The following APBA1 variants were observed in gnomAD, a reference collection of about 807,000 sequenced individuals.
APBA1 encodes amyloid-beta A4 precursor protein-binding family A member 1.
APBA1 carries 55 observed loss-of-function variants against 86.6 expected under a neutral mutation model. The observed-to-expected ratio is 0.64, with a 90% CI of 0.51 to 0.80. The LOEUF (loss-of-function observed/expected upper bound fraction) is 0.80, where lower values mean the gene tolerates loss of function less well. APBA1 is among the 30% of genes least tolerant of loss of function. APBA1 has a pLI of 0.00. For missense variants in APBA1, 1,090 were observed against 1,183.0 expected, an observed-to-expected ratio of 0.92 and a Z score of 1.15; for synonymous variants, 511 against 493.9, an observed-to-expected ratio of 1.03 and a Z score of -0.46.
At chr9:69,520,921 C>T (rs147249629) in intron 1 of APBA1, among the ~76,000 whole-genome samples, 1 of 152,316 alleles carries the variant, frequency 6.6e-6, no homozygotes, top group African/African-American at 2.4e-5. Flanking sequence ...CACTGCCAGC[C>T]TGATGATCTT....
chr9:69,435,029 A>G (rs1312930182), intron 11 of APBA1, among the ~76,000 whole-genome samples: 1 of 142,558 alleles, frequency 7.0e-6, no homozygotes, highest in Non-Finnish European at 1.5e-5. Context: ...CCCACCTATG[A>G]GTGAGAACAT....
chr9:69,547,806 C>T (rs1311495447), intron 1 of APBA1, among the ~76,000 whole-genome samples: 1 of 152,220 alleles, frequency 6.6e-6, no homozygotes, highest in East Asian at 1.9e-4. Context: ...CTTTACTCAG[C>T]AGTCTACTCC....
intron 2 of APBA1, among the ~76,000 whole-genome samples, chr9:69,490,937 C>CT (rs984266699): frequency 2.7e-5 from 4 of 150,524 alleles, no homozygotes; most frequent in Non-Finnish European, 5.9e-5. Flanking sequence ...ATGGCGATCA[C>CT]TAAAAAGTCA....
chr9:69,532,650 T>A (rs539831995), intron 1 of APBA1, among the ~76,000 whole-genome samples: 1 of 152,324 alleles, frequency 6.6e-6, no homozygotes, highest in South Asian at 2.1e-4. Flanking sequence ...CAGTGTGTGC[T>A]TTGGTGAGTT....
rs1035988116 is a variant in APBA1, at chr9:69,459,804, T to C, written c.1483-1616A>G. On this transcript the variant is annotated intron_variant, in intron 5 of 12. Transcript: ENST00000265381. ...ATAGTATCTACCTCACAGGGATATTTTGAGGACAAAATGAATACATGCAAA... is the reference window on the plus strand; with the variant it reads ...ATAGTATCTACCTCACAGGGATATTCTGAGGACAAAATGAATACATGCAAA... Among the ~76,000 whole-genome samples, 3 of 152,250 alleles carry C rather than the reference T, an allele frequency of 2.0e-5. No homozygotes were observed. In the South Asian group the frequency reaches 6.2e-4, roughly 31 times the overall value.
At chr9:69,475,444 G>C (rs903221932) in intron 3 of APBA1, among the ~76,000 whole-genome samples, 9 of 152,178 alleles carry the variant, frequency 5.9e-5, no homozygotes, top group African/African-American at 2.2e-4. Context: ...TTCCAGCACC[G>C]TGGAAAGTTC....
intron 1 of APBA1, among the ~76,000 whole-genome samples, chr9:69,620,886 C>T (rs1419452630): frequency 2.6e-5 from 4 of 152,142 alleles, no homozygotes; most frequent in African/African-American, 9.7e-5. Flanking sequence ...CACAGTTGGA[C>T]GACAGTGAAG....
chr9:69,484,983 CT>C (rs35896934), intron 2 of APBA1, among the ~76,000 whole-genome samples: 198 of 144,824 alleles, frequency 1.4e-3, no homozygotes, highest in Admixed American at 2.2e-3. Flanking sequence ...AACTGAAAAA[CT>C]TTTTTTTTTT....
At chr9:69,611,286 A>G (rs1588392583) in intron 1 of APBA1, among the ~76,000 whole-genome samples, 2 of 15,212 alleles carry the variant, frequency 1.3e-4, no homozygotes, top group African/African-American at 2.4e-4. Context: ...CCAGAAAAGG[A>G]AAAAAAAAAA....
rs1834539069 is a variant in APBA1 at position 69,428,924 on chromosome 9, G to A, written c.*2403C>T. 1 of 152,238 alleles carries A rather than the reference G, an allele frequency of 6.6e-6. No homozygotes were observed. The highest frequency in any genetic ancestry group is 1.5e-5 in the Non-Finnish European group (1 of 68,042). 9.4% of individuals were successfully genotyped at this position (152,238 alleles called of 1,614,324 possible). On this transcript the variant is annotated 3_prime_UTR_variant, in exon 13 of 13. Transcript: ENST00000265381. ...AATCTTCTCACTCTAATGTTACAAT[G>A]TCAGTCCTCTAGGAGAGCTTGCAGA...
Position 69,517,163 on chromosome 9 carries a change from C to T in APBA1, c.48G>A (p.Ala16=), listed in dbSNP as rs745980500. The T allele has an allele frequency of 3.1e-5, 49 of 1,556,518 alleles. No homozygotes were observed. Among genetic ancestry groups the T allele is most frequent in the Non-Finnish European group, 3.9e-5 (45 of 1,152,172 alleles). ...CCGACTCGTTCACCTCCCCACCTGCCGCCTCGTCGGTCACCTCCACCTCCG... is the reference window on the plus strand; with the variant it reads ...CCGACTCGTTCACCTCCCCACCTGCTGCCTCGTCGGTCACCTCCACCTCCG... ...GSAEVEVTDE[A]AGGEVNESVE... Residue 16 remains alanine (A), a synonymous_variant, in exon 2 of 13, where the codon GCG becomes GCA. Transcript: ENST00000265381.
intron 10 of APBA1, among the ~76,000 whole-genome samples, chr9:69,445,472 T>C (rs1353384391): frequency 6.6e-6 from 1 of 152,014 alleles, no homozygotes; most frequent in Non-Finnish European, 1.5e-5. Flanking sequence ...TTAAGAAATC[T>C]GGTGGGAGGG....
intron 1 of APBA1, among the ~76,000 whole-genome samples, chr9:69,570,612 A>G (rs1389719998): frequency 6.6e-6 from 1 of 152,154 alleles, no homozygotes; most frequent in Non-Finnish European, 1.5e-5. Context: ...GAAAAAACCT[A>G]CCTTCTAATC....
At chr9:69,580,934 C>T (rs965300049) in intron 1 of APBA1, among the ~76,000 whole-genome samples, 1 of 152,098 alleles carries the variant, frequency 6.6e-6, no homozygotes, top group Non-Finnish European at 1.5e-5. Context: ...TTTGAAGGCC[C>T]CTGATGGGTA....
chr9:69,498,386 C>T (rs576716237), intron 2 of APBA1, among the ~76,000 whole-genome samples: 37 of 152,224 alleles, frequency 2.4e-4, no homozygotes, highest in African/African-American at 8.4e-4. Context: ...CCCCTGATGG[C>T]AGCCTCCAAG....
chr9:69,617,509 A>T (rs185642422), intron 1 of APBA1, among the ~76,000 whole-genome samples: 1 of 152,202 alleles, frequency 6.6e-6, no homozygotes, highest in Admixed American at 6.5e-5. Flanking sequence ...ACCAACAAAT[A>T]TTTATTGACT....
intron 1 of APBA1, among the ~76,000 whole-genome samples, chr9:69,548,246 T>A (rs1330328): frequency 0.55 from 83,053 of 151,970 alleles, 24,310 homozygotes; most frequent in Non-Finnish European, 0.64. Context: ...AAATGGAAAC[T>A]TCAGTCCTAC....
Position 69,516,562 on chromosome 9 carries a change from C to A in APBA1, c.649G>T (p.Glu217Ter). The change falls in exon 2 of 13, where the codon GAG (glutamate) becomes TAG (stop). Residue 217 changes from glutamate (E) to a stop codon, truncating the protein, a stop_gained. Coordinates refer to ENST00000265381, the MANE Select transcript of APBA1 (RefSeq NM_001163.4). LOFTEE classifies it high-confidence loss of function. This position sits in a 1 kb window ranked among gnomAD's most constrained non-coding sequence, Gnocchi z 7.3. ...LDARDGLRLYEQERDEAAAYR... is the reference protein window; with the variant it reads ...LDARDGLRLY Reference sequence around the variant, plus strand: ...GCGGCCGCCTCGTCGCGCTCCTGCTCGTAGAGCCGCAGGCCGTCGCGTGCG... The same window carrying A: ...GCGGCCGCCTCGTCGCGCTCCTGCTAGTAGAGCCGCAGGCCGTCGCGTGCG... 1 of 1,599,598 alleles carries A rather than the reference C, an allele frequency of 6.3e-7. No individual in the cohort carries two copies. Among genetic ancestry groups the A allele is most frequent in the Non-Finnish European group, 8.5e-7 (1 of 1,178,300 alleles).
chr9:69,538,442 A>G (rs1423176727), intron 1 of APBA1, among the ~76,000 whole-genome samples: 1 of 152,212 alleles, frequency 6.6e-6, no homozygotes, highest in African/African-American at 2.4e-5. Context: ...GGAACTTAAT[A>G]AGGACAGAAA....
Sources: allele counts gnomAD v4.1 joint callset (sites outside exome capture counted in the v4.1 genomes callset), GRCh38; gene constraint gnomAD v4.1.1; non-coding constraint Gnocchi (gnomAD v3.1); transcripts MANE v1.5; gene names NCBI Gene and HGNC (gene_info 2026-07-23, HGNC 2026-07-21).